VPS26C: variants seen among roughly 807,000 people sequenced by gnomAD.
VPS26C encodes the protein vacuolar protein sorting-associated protein 26C.
In VPS26C, 19 loss-of-function variants were observed where a neutral mutation model predicts 30.6. That is an observed-to-expected ratio of 0.62 (90% CI 0.43 to 0.91). The LOEUF (loss-of-function observed/expected upper bound fraction) is 0.91, where lower values mean the gene tolerates loss of function less well. Ranked by LOEUF, VPS26C falls within the 40% of genes least tolerant of loss-of-function variation. The probability of loss-of-function intolerance (pLI) is 0.00; values close to 1 mark genes in which losing one functional copy is unlikely to be tolerated. For synonymous variants in VPS26C, 132 were observed against 151.5 expected (o/e 0.87, Z 0.95); for missense variants, 318 against 385.1 (o/e 0.83, Z 1.46).
At chr21:37,263,137 GA>G (rs1366079671) in intron 1 of VPS26C, among the ~76,000 whole-genome samples, 1 of 151,908 alleles carries the variant, frequency 6.6e-6, no homozygotes, top group African/African-American at 2.4e-5. Flanking sequence ...TTTTGTCAGT[GA>G]GTATTTTTTC....
chr21:37,264,307 T>A (rs2086336488), intron 1 of VPS26C, among the ~76,000 whole-genome samples: 1 of 152,220 alleles, frequency 6.6e-6, no homozygotes, highest in Non-Finnish European at 1.5e-5. Flanking sequence ...AGCCATCAAT[T>A]GCAGATGCTG....
chr21:37,237,473 T>C (rs1024844806), intron 3 of VPS26C: 1 of 152,238 alleles, frequency 6.6e-6, no homozygotes, highest in African/African-American at 2.4e-5. Flanking sequence ...ATACCAGCAA[T>C]TGGTATCTGC....
chr21:37,265,363 G>C (rs984640870), intron 1 of VPS26C, among the ~76,000 whole-genome samples: 1 of 152,184 alleles, frequency 6.6e-6, no homozygotes, highest in African/African-American at 2.4e-5. Flanking sequence ...GCAATTGTTA[G>C]TATTTTGCCA....
chr21:37,233,450 G>A lies in VPS26C; in HGVS notation c.352-8C>T. 1 of 1,609,430 alleles carries A rather than the reference G, an allele frequency of 6.2e-7. No homozygotes were observed. The highest frequency in any genetic ancestry group is 8.5e-7 in the Non-Finnish European group (1 of 1,176,202). On this transcript the variant is annotated splice_polypyrimidine_tract_variant and splice_region_variant and intron_variant, in intron 3 of 7. Transcript: ENST00000309117. This position sits in a 1 kb window ranked among gnomAD's most constrained non-coding sequence, Gnocchi z 5.2. ...GTCACAGCGCAGTGTATACTAAAGG[G>A]GAGAGTTGGAGGAAAAAAGTTCATT...
chr21:37,225,513 A>T lies in VPS26C; in HGVS notation c.*31T>A. 6 of 1,594,738 alleles carry T rather than the reference A, an allele frequency of 3.8e-6. No homozygotes were observed. The highest frequency in any genetic ancestry group is 5.2e-6 in the Non-Finnish European group (6 of 1,162,598). ...TAACCAGCTGGATTTCCAGATGGCC[A>T]CTCCCGTTCTCTATGCTTCCCTCCT... On this transcript the variant is annotated 3_prime_UTR_variant, in exon 8 of 8. Transcript: ENST00000309117.
chr21:37,264,723 A>G lies in VPS26C; in HGVS notation c.57+2515T>C, dbSNP rs11910693. Among the ~76,000 whole-genome samples the G allele has an allele frequency of 6.4e-3, 971 of 152,354 alleles. 10 individuals carry two copies. Among genetic ancestry groups the G allele is most frequent in the African/African-American group, 0.022 (908 of 41,578 alleles). On this transcript the variant is annotated intron_variant, in intron 1 of 7. Coordinates refer to ENST00000309117, the MANE Select transcript of VPS26C (RefSeq NM_006052.2). Reference sequence around the variant, plus strand: ...TGGTAGACTGTAAAGTGGTGCAGACATTTTTGGAAAATAATTTGGCAACTC... The same window carrying G: ...TGGTAGACTGTAAAGTGGTGCAGACGTTTTTGGAAAATAATTTGGCAACTC...
rs759875391 is a variant in VPS26C, at chr21:37,227,640, C to A, written c.811+14G>T. 8.1e-6 allele frequency: 13 copies of A among 1,612,172 alleles called. No individual in the cohort carries two copies. The highest frequency in any genetic ancestry group is 1.1e-5 in the Non-Finnish European group (13 of 1,178,758). ...CCATGGGCCCATGAGGGCTGGGAGG[C>A]GAGTGCCACTTACCCACTTTGAAGT... On this transcript the variant is annotated intron_variant, in intron 7 of 7. Transcript: ENST00000309117.
rs375877407 is a variant in VPS26C at position 37,255,851 on chromosome 21, A to ATTTTTTTTTTTTTTT, written c.57+11372_57+11386dup. On this transcript the variant is annotated intron_variant, in intron 1 of 7. Coordinates refer to ENST00000309117, the MANE Select transcript of VPS26C (RefSeq NM_006052.2). Reference sequence around the variant, plus strand: ...TTTAAAGCCTCATTCTATGCACTGCATTTTTTTTTTTTTTTTTTTTTAGAT... The same window carrying ATTTTTTTTTTTTTTT: ...TTTAAAGCCTCATTCTATGCACTGCATTTTTTTTTTTTTTTTTTTTTTTTTTTTTTTTTTTTAGAT... Among the ~76,000 whole-genome samples, 140 of 108,458 alleles carry ATTTTTTTTTTTTTTT rather than the reference A, an allele frequency of 1.3e-3. 21 individuals carry two copies. Among genetic ancestry groups the ATTTTTTTTTTTTTTT allele is most frequent in the African/African-American group, 6.1e-3 (133 of 21,886 alleles). 71.2% of individuals were successfully genotyped at this position (108,458 alleles called of 152,430 possible).
rs111442901 is a variant in VPS26C, at chr21:37,233,037, G to A, written c.432+325C>T. Reference sequence around the variant, plus strand: ...ACAGATACAGCCGAGCTTCATGAGAGCCTGCCTGGCATTTTTTATCCAGGG... The same window carrying A: ...ACAGATACAGCCGAGCTTCATGAGAACCTGCCTGGCATTTTTTATCCAGGG... On this transcript the variant is annotated intron_variant, in intron 4 of 7. Transcript: ENST00000309117. This position sits in a 1 kb window ranked among gnomAD's most constrained non-coding sequence, Gnocchi z 5.2. Among the ~76,000 whole-genome samples, 4 of 152,310 alleles carry A rather than the reference G, an allele frequency of 2.6e-5. No homozygotes were observed. Among genetic ancestry groups the A allele is most frequent in the African/African-American group, 9.6e-5 (4 of 41,558 alleles).
At chr21:37,259,296 T>C (rs2086280044) in intron 1 of VPS26C, among the ~76,000 whole-genome samples, 1 of 152,154 alleles carries the variant, frequency 6.6e-6, no homozygotes, top group African/African-American at 2.4e-5. Flanking sequence ...TCCTTTTTTT[T>C]TCATAAGAAA....
chr21:37,232,636 G>C, intron 4 of VPS26C, 185 bp from the exon 5 acceptor site: 2 of 608,584 alleles, frequency 3.3e-6, no homozygotes. Context: ...CTGAAACTCA[G>C]TTTCCTCATC....
chr21:37,241,449 G>A (rs77077239), intron 1 of VPS26C, among the ~76,000 whole-genome samples: 1,995 of 152,268 alleles, frequency 0.013, 32 homozygotes, highest in African/African-American at 0.034. Context: ...ACAGGGGCTC[G>A]AGTGGAAGAG....
chr21:37,267,694 C>A (rs989494434), upstream of VPS26C: 2 of 273,298 alleles, frequency 7.3e-6, no homozygotes, highest in Non-Finnish European at 1.4e-5. Flanking sequence ...GCCTGTCTGT[C>A]GGTTGCAGCC....
chr21:37,227,936 CGCG>C (rs2085919451), intron 6 of VPS26C, 130 bp from the exon 7 acceptor site: 2 of 1,233,198 alleles, frequency 1.6e-6, no homozygotes, highest in Admixed American at 4.3e-5. Context: ...TCCTTAGACA[CGCG>C]GCTACTGCTA....
intron 5 of VPS26C, among the ~76,000 whole-genome samples, chr21:37,229,671 T>C (rs1410234709): frequency 3.3e-5 from 5 of 152,248 alleles, no homozygotes. Context: ...ATCCTGAGTC[T>C]TTGAAATCTG....
chr21:37,266,840 G>A (rs2086367396), intron 1 of VPS26C: 2 of 251,718 alleles, frequency 7.9e-6, no homozygotes, highest in East Asian at 1.2e-4. Flanking sequence ...TTAGACCTTT[G>A]CGGTCACCTT....
chr21:37,244,993 T>C (rs866588688), intron 1 of VPS26C, among the ~76,000 whole-genome samples: 64 of 152,198 alleles, frequency 4.2e-4, no homozygotes, highest in African/African-American at 1.3e-3. Flanking sequence ...CTGCAGCTGG[T>C]TACTGCATGG....
chr21:37,242,897 A>C (rs777801931), intron 1 of VPS26C, among the ~76,000 whole-genome samples: 2 of 152,234 alleles, frequency 1.3e-5, no homozygotes, highest in African/African-American at 4.8e-5. Flanking sequence ...TAAATATTTT[A>C]TGACTCGAGA....
intron 2 of VPS26C, 134 bp downstream of exon 2, chr21:37,240,362 C>T (rs902077195): frequency 1.6e-5 from 15 of 931,372 alleles, no homozygotes; most frequent in African/African-American, 3.3e-5. Flanking sequence ...TGGGCTCAAG[C>T]GATCCTCCCG....
Sources: gnomAD v4.1 joint callset for allele counts (sites outside exome capture counted in the v4.1 genomes callset) on GRCh38, gnomAD v4.1.1 for gene constraint, Gnocchi (gnomAD v3.1) non-coding constraint, MANE v1.5 for transcripts, NCBI Gene and HGNC (gene_info 2026-07-23, HGNC 2026-07-21) for gene names.